Variants in CBL observed in about 807,000 individuals in gnomAD.
CBL encodes the protein E3 ubiquitin-protein ligase CBL.
In CBL, 45 loss-of-function variants were observed where a neutral mutation model predicts 96.9. The ratio of observed to expected loss-of-function variants is 0.46; its 90% CI spans 0.37 to 0.60. CBL has a LOEUF of 0.60. Ranked by LOEUF, CBL falls within the 20% of genes least tolerant of loss-of-function variation. CBL has a pLI of 0.00. For synonymous variants in CBL, 420 were observed against 426.8 expected, an observed-to-expected ratio of 0.98 and a Z score of 0.20; for missense variants, 1,024 against 1,143.5, an observed-to-expected ratio of 0.90 and a Z score of 1.51.
chr11:119,214,429 G>C (rs1949341773), intron 1 of CBL, among the ~76,000 whole-genome samples: 1 of 151,936 alleles, frequency 6.6e-6, no homozygotes, highest in African/African-American at 2.4e-5. Flanking sequence ...TTGTACTTTT[G>C]GTAGAGATGG....
At chr11:119,245,880 G>C (rs1315571213) in intron 2 of CBL, among the ~76,000 whole-genome samples, 1 of 142,016 alleles carries the variant, frequency 7.0e-6, no homozygotes, top group East Asian at 2.1e-4. Flanking sequence ...AATTTCTGTT[G>C]TTATAAATTA....
chr11:119,243,525 T>G (rs1178727432), intron 2 of CBL, among the ~76,000 whole-genome samples: 1 of 151,406 alleles, frequency 6.6e-6, no homozygotes, highest in Non-Finnish European at 1.5e-5. Flanking sequence ...ATTTTTTTTT[T>G]TTTTTTTTGC....
rs2135297202 is a variant in CBL at position 119,271,897 on chromosome 11, A to C, written c.590+16A>C. ...TTGGGGAAAAGTAAGTCTCAGAATA[A>C]TGAATTTGAACTATGAAAAACTAAA... On this transcript the variant is annotated intron_variant, in intron 3 of 15. Coordinates refer to ENST00000264033, the MANE Select transcript of CBL (RefSeq NM_005188.4). 1 of 1,612,876 alleles carries C rather than the reference A, an allele frequency of 6.2e-7. No individual in the cohort carries two copies. The highest frequency in any genetic ancestry group is 8.5e-7 in the Non-Finnish European group (1 of 1,179,012).
chr11:119,280,839 C>T (rs1157085543), intron 9 of CBL, among the ~76,000 whole-genome samples: 1 of 152,146 alleles, frequency 6.6e-6, no homozygotes. Context: ...TACTCCATAT[C>T]CTCCCACTAC....
intron 2 of CBL, among the ~76,000 whole-genome samples, chr11:119,242,166 T>G (rs1425721409): frequency 1.3e-5 from 2 of 151,812 alleles, no homozygotes; most frequent in African/African-American, 2.4e-5. Flanking sequence ...AAATAAGAAA[T>G]AGATTGGGGA....
At position 119,206,457 on chromosome 11, in the gene CBL, G is replaced by T; in HGVS notation, c.40G>T (p.Gly14Cys). 6.3e-7 allele frequency: 1 copy of T among 1,581,498 alleles called. No individual in the cohort carries two copies. ...NVKKSSGAGG[G>C]SGSGGSGSGG... ...GAAGAAGAGCTCTGGGGCCGGGGGCGGCAGCGGCTCCGGGGGCTCGGGTTC... is the reference window on the plus strand; with the variant it reads ...GAAGAAGAGCTCTGGGGCCGGGGGCTGCAGCGGCTCCGGGGGCTCGGGTTC... The change falls in exon 1 of 16, where the codon GGC becomes TGC. Residue 14 changes from glycine (G) to cysteine (C), a missense_variant. Physicochemically the swap from Gly to Cys is radical, Grantham distance 159. Coordinates refer to ENST00000264033, the MANE Select transcript of CBL (RefSeq NM_005188.4).
intron 2 of CBL, among the ~76,000 whole-genome samples, chr11:119,244,620 C>T (rs953962085): frequency 5.7e-5 from 7 of 123,386 alleles, no homozygotes; most frequent in South Asian, 6.7e-4. Flanking sequence ...CTCGCTCTGT[C>T]GCCCAGCCTG....
intron 6 of CBL, among the ~76,000 whole-genome samples, chr11:119,277,239 G>GCACACACACA (rs112214824): frequency 0.026 from 3,625 of 138,258 alleles, 67 homozygotes; most frequent in East Asian, 0.059. Context: ...AGAATCTGTC[G>GCACACACACA]CGCACACACA....
intron 2 of CBL, among the ~76,000 whole-genome samples, chr11:119,248,390 G>A (rs775898861): frequency 1.3e-5 from 2 of 152,168 alleles, no homozygotes; most frequent in Non-Finnish European, 2.9e-5. Context: ...TCAACAAATG[G>A]TGCTGGGAAA....
intron 12 of CBL, among the ~76,000 whole-genome samples, chr11:119,295,560 AAAAAAAAAATTTTTTTT>A (rs1207215004): frequency 7.3e-5 from 11 of 151,500 alleles, no homozygotes; most frequent in African/African-American, 2.7e-4. Context: ...TGTCTCTACA[AAAAAAAAAATTTTTTTT>A]AATTAGCCTG....
At chr11:119,239,279 ATCT>A (rs2135271257) in intron 2 of CBL, among the ~76,000 whole-genome samples, 1 of 152,108 alleles carries the variant, frequency 6.6e-6, no homozygotes, top group South Asian at 2.1e-4. Flanking sequence ...CCTTACTTAT[ATCT>A]TCTTTAATGT....
chr11:119,297,193 C>G (rs1950069553), intron 13 of CBL, among the ~76,000 whole-genome samples, 159 bp downstream of exon 13: 1 of 152,180 alleles, frequency 6.6e-6, no homozygotes, highest in South Asian at 2.1e-4. Context: ...CCTTTTGTAG[C>G]TGTAGGTAAT....
In CBL at chr11:119,296,928, G is replaced by A. The variant is rs2135319783; in HGVS notation, c.2047G>A (p.Val683Met). 2 of 1,583,760 alleles carry A rather than the reference G, an allele frequency of 1.3e-6. No homozygotes were observed. Among genetic ancestry groups the A allele is most frequent in the Non-Finnish European group, 1.7e-6 (2 of 1,152,494 alleles). Residue 683 changes from valine (V) to methionine (M), a missense_variant, in exon 13 of 16, where the codon GTG becomes ATG. Around this residue, in one of 4 missense-constraint regions of CBL, gnomAD observed 695 missense variants for 661.6 expected, o/e 1.05. Transcript: ENST00000264033. ...TTCTTCATCTTCCAGACCTCTTCCTGTGCCAAAACTGCCACCTGGGGAGCA... is the reference window on the plus strand; with the variant it reads ...TTCTTCATCTTCCAGACCTCTTCCTATGCCAAAACTGCCACCTGGGGAGCA... ...IYSLAARPLPVPKLPPGEQCE... is the reference protein window; with the variant it reads ...IYSLAARPLPMPKLPPGEQCE...
At chr11:119,255,582 C>G (rs1313745442) in intron 2 of CBL, among the ~76,000 whole-genome samples, 1 of 151,882 alleles carries the variant, frequency 6.6e-6, no homozygotes, top group East Asian at 1.9e-4. Context: ...TTCTAGTAAT[C>G]ATTTAGGACT....
chr11:119,276,655 A>C (rs901005376), intron 6 of CBL, among the ~76,000 whole-genome samples: 1 of 152,374 alleles, frequency 6.6e-6, no homozygotes, highest in Non-Finnish European at 1.5e-5. Flanking sequence ...ATTAATTATC[A>C]GTTGGTAAAC....
intron 1 of CBL, 94 bp downstream of exon 1, chr11:119,206,706 G>C: frequency 8.4e-7 from 1 of 1,193,338 alleles, no homozygotes; most frequent in Non-Finnish European, 1.1e-6. Flanking sequence ...CGGGGGAGGG[G>C]ACGGGTCTGG....
chr11:119,281,057 A>G (rs1324712834), intron 9 of CBL, among the ~76,000 whole-genome samples: 3 of 152,220 alleles, frequency 2.0e-5, no homozygotes, highest in East Asian at 1.9e-4. Context: ...TATAGTTTCT[A>G]TGAAATAAAA....
chr11:119,232,936 C>T (rs1376443156), intron 2 of CBL, among the ~76,000 whole-genome samples: 2 of 152,102 alleles, frequency 1.3e-5, no homozygotes, highest in Non-Finnish European at 2.9e-5. Flanking sequence ...GAGTTGGAGG[C>T]AGTAGGTCCT....
At chr11:119,277,241 G>GCACACACACACACACACACACACACA (rs59099916) in intron 6 of CBL, among the ~76,000 whole-genome samples, 1 of 146,386 alleles carries the variant, frequency 6.8e-6, no homozygotes, top group African/African-American at 2.5e-5. Context: ...AATCTGTCGC[G>GCACACACACACACACACACACACACA]CACACACACA....
Sources: gnomAD v4.1 joint callset for allele counts (sites outside exome capture counted in the v4.1 genomes callset) on GRCh38, gnomAD v4.1.1 for gene constraint, gnomAD v4.1.1 regional missense constraint, MANE v1.5 for transcripts, NCBI Gene and HGNC (gene_info 2026-07-23, HGNC 2026-07-21) for gene names.